Variants in AP3B1 observed in about 807,000 individuals in gnomAD.
AP3B1 encodes adaptor related protein complex 3 subunit beta 1, also known as AP-3 complex subunit beta-1.
A neutral mutation model predicts 132.5 loss-of-function variants in AP3B1; 61 were observed. The observed-to-expected ratio is 0.46, with a 90% CI of 0.37 to 0.57. The LOEUF (loss-of-function observed/expected upper bound fraction) is 0.57, where lower values mean the gene tolerates loss of function less well. AP3B1 is among the 20% of genes least tolerant of loss of function. AP3B1 has a pLI of 0.00. For missense variants in AP3B1, 1,120 were observed against 1,289.4 expected, an observed-to-expected ratio of 0.87 and a Z score of 2.01; for synonymous variants, 388 against 438.3, an observed-to-expected ratio of 0.89 and a Z score of 1.43.
At chr5:78,106,151 A>G (rs1248725244) in intron 20 of AP3B1, among the ~76,000 whole-genome samples, 1 of 152,198 alleles carries the variant, frequency 6.6e-6, no homozygotes, top group Non-Finnish European at 1.5e-5. Context: ...CAAATATTCC[A>G]CTGGGATTAG....
chr5:78,148,528 T>G (rs955718337), intron 14 of AP3B1, among the ~76,000 whole-genome samples: 1 of 152,220 alleles, frequency 6.6e-6, no homozygotes, highest in Non-Finnish European at 1.5e-5. Context: ...CCTTTAACAT[T>G]CTTTTATTCT....
chr5:78,165,539 T>G lies in AP3B1; in HGVS notation c.1230+71A>C, dbSNP rs1259333442. 3 of 1,028,366 alleles carry G rather than the reference T, an allele frequency of 2.9e-6. No individual in the cohort carries two copies. In the African/African-American group the frequency reaches 4.8e-5, roughly 16 times the overall value. The allele number at this position is 1,028,366 out of a possible 1,614,324, so 63.7% of individuals were successfully genotyped here. A position where few individuals can be genotyped will look rare whatever the true frequency, so the allele number is the denominator to read the frequency against. The stretch of plus-strand genomic sequence containing the variant: ...ATGTACATAATTACATATTTCTAGA[T>G]AGAAAAAGATGCATATTTAAGACTG... On this transcript the variant is annotated intron_variant, in intron 12 of 26. Coordinates refer to ENST00000255194, the MANE Select transcript of AP3B1 (RefSeq NM_003664.5).
intron 17 of AP3B1, among the ~76,000 whole-genome samples, chr5:78,119,023 C>T (rs933724241): frequency 6.6e-5 from 10 of 152,148 alleles, no homozygotes; most frequent in African/African-American, 1.7e-4. Flanking sequence ...CACCAATATC[C>T]GCTGTTCTAT....
intron 22 of AP3B1, among the ~76,000 whole-genome samples, chr5:78,050,975 C>A (rs1013284162): frequency 2.0e-5 from 3 of 152,052 alleles, no homozygotes; most frequent in Non-Finnish European, 4.4e-5. Context: ...CTTTACACAG[C>A]ATATGTTTAA....
At chr5:78,085,852 AG>A (rs1750223654) in intron 22 of AP3B1, among the ~76,000 whole-genome samples, 1 of 152,172 alleles carries the variant, frequency 6.6e-6, no homozygotes. Flanking sequence ...TTGAAGAAAA[AG>A]AAATGGAATT....
intron 14 of AP3B1, among the ~76,000 whole-genome samples, chr5:78,147,151 T>C (rs1169592027): frequency 2.0e-5 from 3 of 152,150 alleles, no homozygotes; most frequent in Non-Finnish European, 4.4e-5. Context: ...ACATTTTGAA[T>C]AGATTTTTCC....
intron 22 of AP3B1, among the ~76,000 whole-genome samples, chr5:78,071,420 G>A (rs1749539158): frequency 1.3e-5 from 2 of 152,170 alleles, no homozygotes; most frequent in Admixed American, 6.5e-5. Flanking sequence ...GGGCACGGGA[G>A]GAGGGGGAGT....
chr5:78,233,604 A>G (rs1746750478), intron 3 of AP3B1, among the ~76,000 whole-genome samples: 1 of 152,232 alleles, frequency 6.6e-6, no homozygotes, highest in Non-Finnish European at 1.5e-5. Context: ...AATACAGAAT[A>G]TGAAAGGAAA....
chr5:78,098,399 T>A (rs1325130285), intron 21 of AP3B1, among the ~76,000 whole-genome samples: 2 of 152,042 alleles, frequency 1.3e-5, no homozygotes, highest in Non-Finnish European at 2.9e-5. Flanking sequence ...TTTCTTTTTT[T>A]ACCGTAGTTG....
chr5:78,063,599 A>T (rs1046458139), intron 22 of AP3B1, among the ~76,000 whole-genome samples: 2 of 152,210 alleles, frequency 1.3e-5, no homozygotes, highest in African/African-American at 2.4e-5. Context: ...TAAATATTTG[A>T]TTGAATGCAG....
At chr5:78,272,564 T>A (rs761756868) in intron 1 of AP3B1, among the ~76,000 whole-genome samples, 2 of 152,168 alleles carry the variant, frequency 1.3e-5, no homozygotes, top group Non-Finnish European at 2.9e-5. Context: ...CTTGCCCTCA[T>A]AGGGATTTCA....
At chr5:78,294,174 C>T (rs1409905898) in intron 1 of AP3B1, among the ~76,000 whole-genome samples, 2 of 152,122 alleles carry the variant, frequency 1.3e-5, no homozygotes, top group Non-Finnish European at 2.9e-5. Context: ...CCAATTCAAT[C>T]AGTGTCTTCA....
At chr5:78,162,733 A>C in intron 13 of AP3B1, 86 bp downstream of exon 13, 1 of 1,480,754 alleles carries the variant, frequency 6.8e-7, no homozygotes, top group Non-Finnish European at 9.3e-7. Context: ...CTAAAATGCA[A>C]AGTTAGAAAA....
chr5:78,156,272 G>T lies in AP3B1; in HGVS notation c.1459C>A (p.Leu487Met). The T allele has an allele frequency of 1.9e-6, 3 of 1,611,176 alleles. No homozygotes were observed. Among genetic ancestry groups the T allele is most frequent in the Non-Finnish European group, 2.5e-6 (3 of 1,177,570 alleles). ...TTGATACTCACAGTGATACTGTCCA[G>T]GAGTTTGGCCATATGTTTAATAATT... is the stretch of plus-strand genomic sequence containing the variant. The part of the protein sequence containing the change: ...GEIIKHMAKL[L>M]DSITVPVARA... Residue 487 changes from leucine (L) to methionine (M), a missense_variant, in exon 14 of 27, where the codon CTG becomes ATG. Leu to Met is a conservative substitution (Grantham distance 15). Around this residue, in one of 3 missense-constraint regions of AP3B1, gnomAD observed 906 missense variants for 997.1 expected, o/e 0.91. Transcript: ENST00000255194.
intron 11 of AP3B1, among the ~76,000 whole-genome samples, chr5:78,171,935 G>A (rs1743935832): frequency 6.6e-6 from 1 of 152,160 alleles, no homozygotes; most frequent in Non-Finnish European, 1.5e-5. Flanking sequence ...TTTATTGCGT[G>A]TTTTTAGCAT....
chr5:78,116,142 A>G lies in AP3B1; in HGVS notation c.2061T>C (p.Asp687=), dbSNP rs1169836773. Residue 687 remains aspartate (D), a synonymous_variant, in exon 18 of 27, where the codon GAT becomes GAC. Transcript: ENST00000255194. ...AAAACCCACCACTGTCACTGCTACTATCAGAAGAGTCCTCCTCTTCCTCAG... is the reference window on the plus strand; with the variant it reads ...AAAACCCACCACTGTCACTGCTACTGTCAGAAGAGTCCTCCTCTTCCTCAG... ...SESEEEEDSS[D]SSSDSESESG... The G allele has an allele frequency of 1.2e-6, 2 of 1,610,720 alleles. No individual in the cohort carries two copies. The highest frequency in any genetic ancestry group is 1.7e-6 in the Non-Finnish European group (2 of 1,176,958).
At chr5:78,238,279 C>T (rs1746967320) in intron 3 of AP3B1, among the ~76,000 whole-genome samples, 2 of 152,168 alleles carry the variant, frequency 1.3e-5, no homozygotes, top group South Asian at 2.1e-4. Context: ...TCCCATCACA[C>T]CCCAGATGGG....
intron 14 of AP3B1, among the ~76,000 whole-genome samples, chr5:78,144,119 C>T (rs1753280080): frequency 6.6e-6 from 1 of 152,092 alleles, no homozygotes; most frequent in South Asian, 2.1e-4. Context: ...CAGACACAGA[C>T]ACAGGTACAG....
At chr5:78,147,722 T>C (rs1183637745) in intron 14 of AP3B1, among the ~76,000 whole-genome samples, 2 of 152,204 alleles carry the variant, frequency 1.3e-5, no homozygotes, top group Admixed American at 1.3e-4. Context: ...ATTTGGCTTA[T>C]AGTCCAGCAA....
Sources: allele counts gnomAD v4.1 joint callset (sites outside exome capture counted in the v4.1 genomes callset), GRCh38; gene constraint gnomAD v4.1.1; regional missense constraint gnomAD v4.1.1; transcripts MANE v1.5; gene names NCBI Gene and HGNC (gene_info 2026-07-23, HGNC 2026-07-21).